SBK1: variants seen among roughly 807,000 people sequenced by gnomAD.
The protein encoded by SBK1 is serine/threonine-protein kinase SBK1.
A neutral mutation model predicts 24.4 loss-of-function variants in SBK1; 11 were observed. The ratio of observed to expected loss-of-function variants is 0.45; its 90% confidence interval spans 0.28 to 0.75. The LOEUF (loss-of-function observed/expected upper bound fraction) is 0.75, where lower values mean the gene tolerates loss of function less well. Among genes scored for constraint, SBK1 ranks in the 30% least tolerant of loss-of-function variants. The pLI, the probability that SBK1 is intolerant of heterozygous loss-of-function variation, is 0.12. For missense variants in SBK1, 467 were observed against 620.5 expected, an observed-to-expected ratio of 0.75 and a Z score of 2.63; for synonymous variants, 308 against 284.4, an observed-to-expected ratio of 1.08 and a Z score of -0.83.
chr16:28,305,102 G>C (rs921145492), intron 1 of SBK1, among the ~76,000 whole-genome samples: 1 of 152,042 alleles, frequency 6.6e-6, no homozygotes, highest in African/African-American at 2.4e-5. Context: ...TTCTCTGTAA[G>C]GCAAGGGGAC....
chr16:28,271,745 T>A (rs542451059), intron 1 of SBK1, among the ~76,000 whole-genome samples: 1 of 152,268 alleles, frequency 6.6e-6, no homozygotes, highest in African/African-American at 2.4e-5. Context: ...AGAATATGGG[T>A]TGACTGATAT....
chr16:28,309,540 A>C (rs1296531974), intron 1 of SBK1, among the ~76,000 whole-genome samples: 1 of 152,060 alleles, frequency 6.6e-6, no homozygotes, highest in African/African-American at 2.4e-5. Context: ...AAATCATTCA[A>C]TTGTGCACTC....
Position 28,319,332 on chromosome 16 carries a change from G to A in SBK1, c.429+135G>A. The A allele has an allele frequency of 1.4e-6, 1 of 700,706 alleles. No homozygotes were observed. Among genetic ancestry groups the A allele is most frequent in the Non-Finnish European group, 2.5e-6 (1 of 403,574 alleles). The allele number at this position is 700,706 out of a possible 1,614,324, so 43.4% of individuals were successfully genotyped here. On this transcript the variant is annotated intron_variant, in intron 3 of 3. Coordinates refer to ENST00000341901, the MANE Select transcript of SBK1 (RefSeq NM_001024401.3). This position sits in a 1 kb window ranked among gnomAD's most constrained non-coding sequence, Gnocchi z 4.0. The stretch of plus-strand genomic sequence containing the variant: ...TGTATGTCAGTTACCATTTGGGGAG[G>A]TGGGGATGTGCAGTAAGGAAGACAA...
Position 28,320,436 on chromosome 16 carries a change from G to A in SBK1, c.790G>A (p.Glu264Lys). The A allele has an allele frequency of 2.5e-6, 4 of 1,585,594 alleles. No homozygotes were observed. The highest frequency in any genetic ancestry group is 3.4e-6 in the Non-Finnish European group (4 of 1,172,560). ...EAASGADAFF[E>K]EFVRWQRGRL... Reference sequence around the variant, plus strand: ...GGCGTCGGGCGCCGACGCCTTCTTCGAGGAGTTCGTGCGCTGGCAGCGGGG... The same window carrying A: ...GGCGTCGGGCGCCGACGCCTTCTTCAAGGAGTTCGTGCGCTGGCAGCGGGG... The change falls in exon 4 of 4, where the codon GAG (glutamate) becomes AAG (lysine). Residue 264 changes from glutamate to lysine, a missense_variant. By Grantham distance (56) the Glu-to-Lys change is moderately conservative (BLOSUM62 1). Around this residue, in one of 4 missense-constraint regions of SBK1, gnomAD observed 86 missense variants for 121.7 expected, o/e 0.71. Coordinates refer to ENST00000341901, the MANE Select transcript of SBK1 (RefSeq NM_001024401.3). This position sits in a 1 kb window ranked among gnomAD's most constrained non-coding sequence, Gnocchi z 8.5.
At chr16:28,293,819 G>A (rs2044619763) in intron 1 of SBK1, among the ~76,000 whole-genome samples, 1 of 152,086 alleles carries the variant, frequency 6.6e-6, no homozygotes, top group African/African-American at 2.4e-5. Context: ...TTGAGCGGAT[G>A]AATGGGAATC....
At chr16:28,268,070 C>T in intron 1 of SBK1, among the ~76,000 whole-genome samples, 1 of 152,074 alleles carries the variant, frequency 6.6e-6, no homozygotes, top group Non-Finnish European at 1.5e-5. Flanking sequence ...TTGCTTGAGC[C>T]TAGGAGTTTG....
At chr16:28,304,549 A>G (rs563270271) in intron 1 of SBK1, among the ~76,000 whole-genome samples, 39 of 152,324 alleles carry the variant, frequency 2.6e-4, no homozygotes, top group African/African-American at 9.1e-4. Context: ...ATTGATTGAC[A>G]GCAGCAATGT....
At chr16:28,273,282 G>A (rs1034927365) in intron 1 of SBK1, among the ~76,000 whole-genome samples, 11 of 151,514 alleles carry the variant, frequency 7.3e-5, no homozygotes, top group Admixed American at 5.3e-4. Flanking sequence ...GTGCAATGGC[G>A]CAGTCTCGGC....
upstream of SBK1, among the ~76,000 whole-genome samples, chr16:28,289,948 T>TG (rs1240340731): frequency 6.6e-6 from 1 of 151,950 alleles, no homozygotes; most frequent in East Asian, 1.9e-4. Context: ...TAGCTGAGCC[T>TG]GGTGGTGCAC....
intron 1 of SBK1, among the ~76,000 whole-genome samples, chr16:28,266,579 C>A (rs192597256): frequency 2.6e-5 from 4 of 152,100 alleles, no homozygotes; most frequent in Admixed American, 2.6e-4. Context: ...GGAAGCTCTT[C>A]CTGGAAGGGC....
intron 1 of SBK1, among the ~76,000 whole-genome samples, chr16:28,310,285 C>T (rs1171728957): frequency 2.6e-5 from 4 of 152,210 alleles, no homozygotes; most frequent in Non-Finnish European, 5.9e-5. Context: ...GAGAGGCCTC[C>T]GCTGCCTGGT....
At chr16:28,266,848 C>T (rs1463532551) in intron 1 of SBK1, among the ~76,000 whole-genome samples, 1 of 151,512 alleles carries the variant, frequency 6.6e-6, no homozygotes, top group East Asian at 1.9e-4. Flanking sequence ...TCAAGTGGTC[C>T]TCCCTCCTTA....
In SBK1 at chr16:28,292,890, C is replaced by T; in HGVS notation, c.-418C>T. 1 of 980,722 alleles carries T rather than the reference C, an allele frequency of 1.0e-6. No individual in the cohort carries two copies. Among genetic ancestry groups the T allele is most frequent in the African/African-American group, 1.7e-5 (1 of 57,250 alleles). The allele number at this position is 980,722 out of a possible 1,614,324, so 60.8% of individuals were successfully genotyped here. On this transcript the variant is annotated 5_prime_UTR_variant, in exon 1 of 4. Coordinates refer to ENST00000341901, the MANE Select transcript of SBK1 (RefSeq NM_001024401.3). ...AGACAGCAAGCCCCCTACGGCACCG[C>T]AAGGACTCCCCCTCCTCAGTCTGGG...
At chr16:28,307,035 GCAGCCC>G (rs911430441) in intron 1 of SBK1, among the ~76,000 whole-genome samples, 12 of 152,198 alleles carry the variant, frequency 7.9e-5, no homozygotes, top group East Asian at 3.9e-4. Flanking sequence ...TCTCCCTCCA[GCAGCCC>G]CAGCCCCAGC....
At chr16:28,263,103 G>C (rs2044407123) in intron 1 of SBK1, among the ~76,000 whole-genome samples, 1 of 152,164 alleles carries the variant, frequency 6.6e-6, no homozygotes, top group African/African-American at 2.4e-5. Flanking sequence ...ACAGCTCATT[G>C]CAAGAAAAGC....
chr16:28,308,282 C>G (rs2044730301), intron 1 of SBK1, among the ~76,000 whole-genome samples: 1 of 152,034 alleles, frequency 6.6e-6, no homozygotes, highest in South Asian at 2.1e-4. Context: ...CTCTAAATAT[C>G]TAGGATTACA....
Position 28,319,494 on chromosome 16 carries a change from A to G in SBK1, c.429+297A>G, listed in dbSNP as rs1191087218. Among the ~76,000 whole-genome samples, 2 of 152,030 alleles carry G rather than the reference A, an allele frequency of 1.3e-5. No homozygotes were observed. The highest frequency in any genetic ancestry group is 2.9e-5 in the Non-Finnish European group (2 of 67,990). On this transcript the variant is annotated intron_variant, in intron 3 of 3. Coordinates refer to ENST00000341901, the MANE Select transcript of SBK1 (RefSeq NM_001024401.3). This position sits in a 1 kb window ranked among gnomAD's most constrained non-coding sequence, Gnocchi z 4.0. Reference sequence around the variant, plus strand: ...CTCCCCTGGGGCTACACAAGAGGAGAGGTGTCAGATCCACCTGGGAAGGGG... The same window carrying G: ...CTCCCCTGGGGCTACACAAGAGGAGGGGTGTCAGATCCACCTGGGAAGGGG...
intron 1 of SBK1, among the ~76,000 whole-genome samples, chr16:28,272,088 GT>G (rs533442727): frequency 3.9e-5 from 6 of 151,954 alleles, no homozygotes; most frequent in African/African-American, 1.2e-4. Flanking sequence ...ATACATGGTT[GT>G]TTTTTTGAGA....
intron 1 of SBK1, among the ~76,000 whole-genome samples, chr16:28,298,492 G>A (rs1394490673): frequency 3.3e-5 from 5 of 152,242 alleles, no homozygotes; most frequent in African/African-American, 9.6e-5. Flanking sequence ...CTCTGGCTGC[G>A]TGACCTTGGG....
Sources: gnomAD v4.1 joint callset for allele counts (sites outside exome capture counted in the v4.1 genomes callset) on GRCh38, gnomAD v4.1.1 for gene constraint, gnomAD v4.1.1 regional missense constraint, Gnocchi (gnomAD v3.1) non-coding constraint, MANE v1.5 for transcripts, NCBI Gene and HGNC (gene_info 2026-07-23, HGNC 2026-07-21) for gene names.